The following OTOG variants were observed in gnomAD, a reference collection of about 807,000 sequenced individuals.
The protein encoded by OTOG is otogelin.
A neutral mutation model predicts 313.8 loss-of-function variants in OTOG; 296 were observed. The ratio of observed to expected loss-of-function variants is 0.94; its 90% CI spans 0.86 to 1.04. The LOEUF is 1.04. OTOG is among the 50% of genes least tolerant of loss of function. OTOG has a pLI of 0.00. For synonymous variants in OTOG, 1,533 were observed against 1,554.9 expected (o/e 0.99, Z 0.33); for missense variants, 3,948 against 3,840.1 (o/e 1.03, Z -0.74).
rs1489311366 is a variant in OTOG, at chr11:17,605,953, G to A, written c.3974G>A (p.Arg1325His). Residue 1325 changes from arginine (R) to histidine (H), a missense_variant, in exon 33 of 56, where the codon CGT becomes CAT. Arg to His is a conservative substitution (Grantham distance 29). Transcript: ENST00000399397. Reference protein sequence around the residue: ...GSLELAKWQGRDTFQQHASFL... With the variant: ...GSLELAKWQGHDTFQQHASFL... ...CTGGAGCTGGCTAAGTGGCAGGGCC[G>A]TGACACCTTCCAACAGCATGCCTCC... 1.9e-5 allele frequency: 30 copies of A among 1,550,486 alleles called. No homozygotes were observed. The highest frequency in any genetic ancestry group is 4.9e-5 in the East Asian group (2 of 40,928).
chr11:17,602,444 T>C (rs753965330), intron 32 of OTOG, 67 bp downstream of exon 32: 97 of 1,488,120 alleles, frequency 6.5e-5, no homozygotes, highest in Non-Finnish European at 8.2e-5. Context: ...GAGGGGAGGG[T>C]GCTGAGGCCC....
chr11:17,612,591 A>G (rs1853588679), intron 37 of OTOG, 29 bp from the exon 38 acceptor site: 2 of 1,542,314 alleles, frequency 1.3e-6, no homozygotes, highest in Non-Finnish European at 1.7e-6. Flanking sequence ...GCATCCACCT[A>G]TTCTTCTTGT....
intron 54 of OTOG, among the ~76,000 whole-genome samples, chr11:17,645,208 G>C (rs927334809): frequency 6.6e-6 from 1 of 152,200 alleles, no homozygotes; most frequent in Non-Finnish European, 1.5e-5. Context: ...CTCAGAGAGG[G>C]GTAAGGGTAA....
chr11:17,577,286 G>A (rs957174223), intron 22 of OTOG, among the ~76,000 whole-genome samples: 4 of 152,244 alleles, frequency 2.6e-5, no homozygotes, highest in African/African-American at 9.6e-5. Flanking sequence ...CCAGGACAAT[G>A]CTAGGTGTGG....
chr11:17,597,967 T>C (rs954827110), intron 30 of OTOG, among the ~76,000 whole-genome samples: 2 of 152,230 alleles, frequency 1.3e-5, no homozygotes, highest in Non-Finnish European at 2.9e-5. Context: ...AGGCATTGCA[T>C]GTACAGCACT....
intron 47 of OTOG, among the ~76,000 whole-genome samples, chr11:17,636,337 A>G (rs1012126984): frequency 4.6e-5 from 7 of 152,228 alleles, no homozygotes; most frequent in Admixed American, 6.5e-5. Flanking sequence ...TGCAGCCAGC[A>G]TTACGGATTG....
chr11:17,599,733 T>C, intron 31 of OTOG, 36 bp downstream of exon 31: 3 of 1,547,608 alleles, frequency 1.9e-6, no homozygotes, highest in Non-Finnish European at 2.6e-6. Flanking sequence ...TCTCAGGGGC[T>C]CAGGCACTGC....
At chr11:17,590,780 G>A (rs1026291812) in intron 24 of OTOG, among the ~76,000 whole-genome samples, 3 of 152,152 alleles carry the variant, frequency 2.0e-5, no homozygotes, top group African/African-American at 7.2e-5. Flanking sequence ...TCTCCCGAGT[G>A]TTCCCCACAG....
intron 51 of OTOG, 145 bp downstream of exon 51, chr11:17,641,236 G>T: frequency 1.0e-6 from 1 of 961,776 alleles, no homozygotes; most frequent in Non-Finnish European, 1.5e-6. Context: ...TCTGTAGAAA[G>T]TGCCAAGAAA....
At chr11:17,598,689 G>T (rs1035879177) in intron 30 of OTOG, among the ~76,000 whole-genome samples, 1 of 152,192 alleles carries the variant, frequency 6.6e-6, no homozygotes, top group Non-Finnish European at 1.5e-5. Context: ...TTGAACTCAG[G>T]TCTGACTCTA....
In OTOG at chr11:17,634,257, CCCTGCTG is replaced by C. The variant is rs1367265195; in HGVS notation, c.7461_7467del (p.Cys2487TrpfsTer61). 2 of 1,550,432 alleles carry C rather than the reference CCCTGCTG, an allele frequency of 1.3e-6. No homozygotes were observed. The highest frequency in any genetic ancestry group is 1.7e-6 in the Non-Finnish European group (2 of 1,146,882). ...GGCCTTGCTCCTACCCACCAAGGAC[CCCTGCTG>C]CCTGGGGACTGTCTGTGGTGAGTGT... On this transcript the variant is annotated frameshift_variant, in exon 44 of 56. Transcript: ENST00000399397. LOFTEE classifies it high-confidence loss of function.
chr11:17,609,137 G>A lies in OTOG; in HGVS notation c.4282G>A (p.Gly1428Ser). The change falls in exon 35 of 56, where the codon GGC becomes AGC. Residue 1428 changes from glycine to serine, a missense_variant. Transcript: ENST00000399397. The part of the protein sequence containing the change: ...ASCRDVPRVE[G>S]CVPVCPTPQV... ...TCCCTGCTCTGTCCTCAGGGTAGAA[G>A]GCTGTGTCCCTGTGTGCCCCACCCC... The A allele has an allele frequency of 2.6e-6, 4 of 1,550,498 alleles. No individual in the cohort carries two copies. The highest frequency in any genetic ancestry group is 1.4e-5 in the African/African-American group (1 of 73,146).
intron 31 of OTOG, 25 bp downstream of exon 31, chr11:17,599,722 G>A: frequency 1.3e-6 from 2 of 1,549,874 alleles, no homozygotes; most frequent in Non-Finnish European, 1.7e-6. Flanking sequence ...CCCACGCAGA[G>A]TCTCAGGGGC....
chr11:17,635,996 C>T (rs1398630006), intron 47 of OTOG, among the ~76,000 whole-genome samples: 2 of 152,188 alleles, frequency 1.3e-5, no homozygotes, highest in Non-Finnish European at 2.9e-5. Flanking sequence ...TCCCTCCATC[C>T]CCCACAGCAC....
At chr11:17,569,372 G>A (rs1013389594) in intron 16 of OTOG, 84 bp downstream of exon 16, 2 of 1,514,884 alleles carry the variant, frequency 1.3e-6, no homozygotes, top group East Asian at 2.5e-5. Context: ...TAAAAGCACT[G>A]CTACCCTGGC....
chr11:17,571,811 C>T (rs1852410628), intron 17 of OTOG, among the ~76,000 whole-genome samples: 1 of 151,922 alleles, frequency 6.6e-6, no homozygotes, highest in African/African-American at 2.4e-5. Flanking sequence ...ATCCATGATT[C>T]TATGTGTTTG....
intron 27 of OTOG, 111 bp from the exon 28 acceptor site, chr11:17,593,936 C>T: frequency 6.9e-7 from 1 of 1,450,468 alleles, no homozygotes; most frequent in Non-Finnish European, 9.3e-7. Context: ...ACTGTGACCT[C>T]AGCAGTGGCT....
rs1288161466 is a variant in OTOG at position 17,609,994 on chromosome 11, C to T, written c.4694C>T (p.Pro1565Leu). The change falls in exon 36 of 56, where the codon CCA becomes CTA. Residue 1565 changes from proline to leucine, a missense_variant. Transcript: ENST00000399397. ...AGCCTCCTGGCCATCCCCCATACACCAGAGTCCTCATCCCTCCCTGTTGCA... is the reference window on the plus strand; with the variant it reads ...AGCCTCCTGGCCATCCCCCATACACTAGAGTCCTCATCCCTCCCTGTTGCA... ...TASLLAIPHT[P>L]ESSSLPVALQ... 1 of 1,544,408 alleles carries T rather than the reference C, an allele frequency of 6.5e-7. No individual in the cohort carries two copies.
intron 23 of OTOG, among the ~76,000 whole-genome samples, chr11:17,578,865 G>C (rs1431287629): frequency 2.0e-5 from 3 of 152,188 alleles, no homozygotes; most frequent in African/African-American, 7.2e-5. Context: ...GCACTGCAGT[G>C]CGTTGGAGGC....
Sources: gnomAD v4.1 joint callset for allele counts (sites outside exome capture counted in the v4.1 genomes callset) on GRCh38, gnomAD v4.1.1 for gene constraint, MANE v1.5 for transcripts, NCBI Gene and HGNC (gene_info 2026-07-23, HGNC 2026-07-21) for gene names.